The following PPP1R13L variants were observed in gnomAD, a reference collection of about 807,000 sequenced individuals.
The protein encoded by PPP1R13L is relA-associated inhibitor.
A neutral mutation model predicts 80.9 loss-of-function variants in PPP1R13L; 50 were observed. The ratio of observed to expected loss-of-function variants is 0.62; its 90% CI spans 0.49 to 0.78. PPP1R13L has a LOEUF of 0.78. Among genes scored for constraint, PPP1R13L ranks in the 30% least tolerant of loss-of-function variants. The pLI is 0.00. For missense variants in PPP1R13L, 1,200 were observed against 1,205.9 expected, an observed-to-expected ratio of 1.00 and a Z score of 0.07; for synonymous variants, 602 against 534.3, an observed-to-expected ratio of 1.13 and a Z score of -1.75.
At chr19:45,404,875 C>T in intron 1 of PPP1R13L, 124 bp downstream of exon 1, 1 of 411,980 alleles carries the variant, frequency 2.4e-6, no homozygotes, top group Non-Finnish European at 3.3e-6. Context: ...TTCTAAGGAT[C>T]CAGGTGTCGG....
At position 45,400,760 on chromosome 19, in the gene PPP1R13L, ATTTTTTT is replaced by A. The variant is rs887299061; in HGVS notation, c.-21-2428_-21-2422del. 4.1e-3 allele frequency among the ~76,000 whole-genome samples: 107 copies of A among 25,944 alleles called. 2 individuals are homozygous for A. The highest frequency in any genetic ancestry group is 0.035 in the African/African-American group (97 of 2,802). 17.0% of individuals were successfully genotyped at this position (25,944 alleles called of 152,430 possible). A position where few individuals can be genotyped will look rare whatever the true frequency, so the allele number is the denominator to read the frequency against. ...AGCCTCGCACCACCACACCCAGCTA[ATTTTTTT>A]TTTTTTTTTTTTTTTTTTTTTTTTT... On this transcript the variant is annotated intron_variant, in intron 1 of 12. Coordinates refer to ENST00000360957, the MANE Select transcript of PPP1R13L (RefSeq NM_006663.4).
intron 3 of PPP1R13L, among the ~76,000 whole-genome samples, chr19:45,397,366 TTC>T (rs1171009944): frequency 8.9e-5 from 13 of 145,748 alleles, no homozygotes; most frequent in Non-Finnish European, 1.5e-4. Flanking sequence ...CTTTCTTTCT[TTC>T]TCTCTCTTTC....
At chr19:45,402,938 G>C (rs980138022) in intron 1 of PPP1R13L, among the ~76,000 whole-genome samples, 1 of 152,158 alleles carries the variant, frequency 6.6e-6, no homozygotes, top group East Asian at 1.9e-4. Context: ...ACCCAGGCTG[G>C]ACTCCTACAG....
rs941268176 is a variant in PPP1R13L, at chr19:45,386,135, G to C, written c.1861C>G (p.Arg621Gly). The change falls in exon 9 of 13, where the codon CGC becomes GGC. Residue 621 changes from arginine to glycine, a missense_variant. By Grantham distance (125) the Arg-to-Gly change is moderately radical. Coordinates refer to ENST00000360957, the MANE Select transcript of PPP1R13L (RefSeq NM_006663.4). ...ACCAGAGGGTTGAGGCGCGCGCGGC[G>C]GGCCTTGCGCGGGGAGCCCGCCTTC... The part of the protein sequence containing the change: ...LRKAGSPRKA[R>G]RARLNPLVLL... 7.1e-6 allele frequency: 11 copies of C among 1,544,196 alleles called. No homozygotes were observed. Among genetic ancestry groups the C allele is most frequent in the South Asian group, 1.2e-5 (1 of 82,188 alleles).
At position 45,396,874 on chromosome 19, in the gene PPP1R13L, T is replaced by A; in HGVS notation, c.383A>T (p.Gln128Leu). The A allele has an allele frequency of 2.6e-6, 4 of 1,531,422 alleles. No individual in the cohort carries two copies. The highest frequency in any genetic ancestry group is 2.6e-6 in the Non-Finnish European group (3 of 1,148,012). The allele number at this position is 1,531,422 out of a possible 1,614,324, so 94.9% of individuals were successfully genotyped here. ...PSSPRTPLYL[Q>L]PDAYGSLDRA... ...GTCCAGGCTGCCGTAGGCGTCCGGC[T>A]GCAGGTAGAGCGGGGTGCGCGGCGA... The change falls in exon 4 of 13, where the codon CAG becomes CTG. Residue 128 changes from glutamine to leucine, a missense_variant. Transcript: ENST00000360957. This position sits in a 1 kb window ranked among gnomAD's most constrained non-coding sequence, Gnocchi z 5.3.
intron 12 of PPP1R13L, among the ~76,000 whole-genome samples, chr19:45,382,210 G>A (rs374341278): frequency 6.6e-6 from 1 of 151,498 alleles, no homozygotes; most frequent in Non-Finnish European, 1.5e-5. Flanking sequence ...CTCCAGCCTG[G>A]GCGACAGAGC....
chr19:45,380,341 C>T (rs1972738786), intron 12 of PPP1R13L, 113 bp from the exon 13 acceptor site: 3 of 1,208,184 alleles, frequency 2.5e-6, no homozygotes, highest in Admixed American at 1.8e-5. Context: ...CTCTCAGCAC[C>T]TCCCAAACTG....
Position 45,396,869 on chromosome 19 carries a change from C to A in PPP1R13L, c.388G>T (p.Asp130Tyr). The A allele has an allele frequency of 6.5e-7, 1 of 1,531,254 alleles. No homozygotes were observed. The highest frequency in any genetic ancestry group is 8.7e-7 in the Non-Finnish European group (1 of 1,148,094). The allele number at this position is 1,531,254 out of a possible 1,614,324, so 94.9% of individuals were successfully genotyped here. A position where few individuals can be genotyped will look rare whatever the true frequency, so the allele number is the denominator to read the frequency against. ...GCGCGGTCCAGGCTGCCGTAGGCGT[C>A]CGGCTGCAGGTAGAGCGGGGTGCGC... ...SPRTPLYLQP[D>Y]AYGSLDRATS... Residue 130 changes from aspartate to tyrosine, a missense_variant, in exon 4 of 13, where the codon GAC (aspartate) becomes TAC (tyrosine). Physicochemically the swap from Asp to Tyr is radical, Grantham distance 160. Coordinates refer to ENST00000360957, the MANE Select transcript of PPP1R13L (RefSeq NM_006663.4). The surrounding 1 kb of genome is among the most constrained non-coding windows in gnomAD (Gnocchi z 5.3).
At chr19:45,397,180 T>C (rs930965158) in intron 3 of PPP1R13L, 122 bp from the exon 4 acceptor site, 4 of 810,116 alleles carry the variant, frequency 4.9e-6, no homozygotes, top group Admixed American at 4.3e-5. Flanking sequence ...TGACCGGCCA[T>C]GGAAATTCAG....
intron 7 of PPP1R13L, 83 bp from the exon 8 acceptor site, chr19:45,392,423 C>A (rs1261642121): frequency 1.4e-6 from 2 of 1,382,982 alleles, no homozygotes; most frequent in Middle Eastern, 1.8e-4. Context: ...GGGCATACAA[C>A]CAGCACATGA....
chr19:45,404,444 A>G (rs894340234), intron 1 of PPP1R13L, among the ~76,000 whole-genome samples: 2 of 151,204 alleles, frequency 1.3e-5, no homozygotes, highest in Admixed American at 1.3e-4. Context: ...TTTCTCTCCT[A>G]CCCCGCCCCC....
At chr19:45,397,954 G>A in intron 3 of PPP1R13L, 51 bp downstream of exon 3, 1 of 1,577,232 alleles carries the variant, frequency 6.3e-7, no homozygotes. Context: ...CCTCTGGTCT[G>A]GACTGTGGCG....
rs748864207 is a variant in PPP1R13L, at chr19:45,392,155, A to G, written c.1540T>C (p.Leu514=). 3.8e-6 allele frequency: 6 copies of G among 1,591,512 alleles called. No homozygotes were observed. Among genetic ancestry groups the G allele is most frequent in the Non-Finnish European group, 5.1e-6 (6 of 1,167,240 alleles). Residue 514 remains leucine (L), a synonymous_variant, in exon 8 of 13, where the codon TTG becomes CTG. Transcript: ENST00000360957. ...VPELEEVARV[L]AEIPRPLKRR... is the part of the protein sequence containing the mutation. Reference sequence around the variant, plus strand: ...TTGAGGGGCCGGGGAATTTCCGCCAACACCCGTGCCACCTCCTCCAGCTCG... The same window carrying G: ...TTGAGGGGCCGGGGAATTTCCGCCAGCACCCGTGCCACCTCCTCCAGCTCG...
At chr19:45,389,215 T>C (rs1341243732) in intron 8 of PPP1R13L, among the ~76,000 whole-genome samples, 1 of 152,194 alleles carries the variant, frequency 6.6e-6, no homozygotes, top group Non-Finnish European at 1.5e-5. Flanking sequence ...CAACATGTTG[T>C]TATTCATCCC....
chr19:45,396,636 A>AG lies in PPP1R13L; in HGVS notation c.620dup (p.Ala208CysfsTer47), dbSNP rs1555782428. 6.8e-7 allele frequency: 1 copy of AG among 1,475,802 alleles called. No individual in the cohort carries two copies. Among genetic ancestry groups the AG allele is most frequent in the South Asian group, 1.4e-5 (1 of 72,136 alleles). The allele number at this position is 1,475,802 out of a possible 1,614,324, so 91.4% of individuals were successfully genotyped here. Reference sequence around the variant, plus strand: ...ACGCTGGCGCGTCGTAGGCTGTGGCAGGGGGGCGCGGTGACGGCCCACGCT... The same window carrying AG: ...ACGCTGGCGCGTCGTAGGCTGTGGCAGGGGGGGCGCGGTGACGGCCCACGCT... On this transcript the variant is annotated frameshift_variant, in exon 4 of 13. Transcript: ENST00000360957. LOFTEE classifies it high-confidence loss of function. This position sits in a 1 kb window ranked among gnomAD's most constrained non-coding sequence, Gnocchi z 5.3.
intron 1 of PPP1R13L, among the ~76,000 whole-genome samples, chr19:45,403,848 G>A (rs759386237): frequency 9.2e-5 from 14 of 152,118 alleles, no homozygotes; most frequent in South Asian, 2.1e-4. Flanking sequence ...GACGCATGGG[G>A]GTGGAGAGAA....
Position 45,385,904 on chromosome 19 carries a change from G to C in PPP1R13L, c.2001C>G (p.Ala667=). The C allele has an allele frequency of 6.2e-7, 1 of 1,612,010 alleles. No homozygotes were observed. The highest frequency in any genetic ancestry group is 8.5e-7 in the Non-Finnish European group (1 of 1,179,204). Residue 667 remains alanine (A), a synonymous_variant, in exon 10 of 13, where the codon GCC becomes GCG. Coordinates refer to ENST00000360957, the MANE Select transcript of PPP1R13L (RefSeq NM_006663.4). ...CGATAGAGTAGTTGGCGCCGCAGATGGCGTTGTGCAAGGCAGTGATGCCCT... is the reference window on the plus strand; with the variant it reads ...CGATAGAGTAGTTGGCGCCGCAGATCGCGTTGTGCAAGGCAGTGATGCCCT... ...NEEGITALHN[A]ICGANYSIVD...
chr19:45,382,566 C>G lies in PPP1R13L; in HGVS notation c.2409G>C (p.Leu803=), dbSNP rs1399838390. 14 of 1,613,250 alleles carry G rather than the reference C, an allele frequency of 8.7e-6. No individual in the cohort carries two copies. The highest frequency in any genetic ancestry group is 1.2e-5 in the Non-Finnish European group (14 of 1,179,862). The change falls in exon 12 of 13, where the codon CTG becomes CTC. Residue 803 remains leucine (L), a synonymous_variant. Coordinates refer to ENST00000360957, the MANE Select transcript of PPP1R13L (RefSeq NM_006663.4). ...GCGGCACGTAGCCCTCCTGGCCGTG[C>G]AGCGCGGCCCACCACCAGTCGGTCT... is the stretch of plus-strand genomic sequence containing the variant. ...PEETDWWWAA[L]HGQEGYVPRN... is the part of the protein sequence containing the mutation.
intron 1 of PPP1R13L, among the ~76,000 whole-genome samples, chr19:45,404,666 C>T (rs1973295328): frequency 1.3e-5 from 2 of 152,184 alleles, no homozygotes; most frequent in Non-Finnish European, 2.9e-5. Flanking sequence ...CTGAGCCTCT[C>T]ATTTCTGACC....
Sources: allele counts gnomAD v4.1 joint callset (sites outside exome capture counted in the v4.1 genomes callset), GRCh38; gene constraint gnomAD v4.1.1; non-coding constraint Gnocchi (gnomAD v3.1); transcripts MANE v1.5; gene names NCBI Gene and HGNC (gene_info 2026-07-23, HGNC 2026-07-21).